The following INSL6 variants were observed in gnomAD, a reference collection of about 807,000 sequenced individuals.
INSL6 encodes the protein insulin-like peptide INSL6.
In INSL6, 16 loss-of-function variants were observed where a neutral mutation model predicts 9.4. That is an observed-to-expected ratio of 1.70 (90% CI 1.15 to 2.59). INSL6 has a LOEUF of 2.59. Ranked by LOEUF, INSL6 falls within the 30% of genes most tolerant of loss-of-function variation. INSL6 has a pLI of 0.00. For synonymous variants in INSL6, 154 were observed against 96.9 expected, an observed-to-expected ratio of 1.59 and a Z score of -3.46; for missense variants, 391 against 257.3, an observed-to-expected ratio of 1.52 and a Z score of -3.56.
chr9:4,997,595 G>A, the INSL6 span, among the ~76,000 whole-genome samples: 2 of 152,116 alleles, frequency 1.3e-5, no homozygotes, highest in Non-Finnish European at 2.9e-5. Flanking sequence ...CTCCAACATT[G>A]GGGATTACAG....
chr9:5,044,399 G>T, the INSL6 span: 1 of 1,586,194 alleles, frequency 6.3e-7, no homozygotes, highest in Non-Finnish European at 8.7e-7. Flanking sequence ...TTATTATCTT[G>T]TAGATTTTAC....
the INSL6 span, among the ~76,000 whole-genome samples, chr9:5,039,314 G>A: frequency 6.6e-6 from 1 of 152,060 alleles, no homozygotes; most frequent in Non-Finnish European, 1.5e-5. Context: ...CACTGAACAT[G>A]TACAGACTTT....
chr9:5,029,393 G>C, the INSL6 span, among the ~76,000 whole-genome samples: 3 of 152,092 alleles, frequency 2.0e-5, no homozygotes, highest in African/African-American at 4.8e-5. Flanking sequence ...CATCATAACT[G>C]ATATAATAAT....
chr9:5,151,768 G>C (rs1480911649), intron 2 of INSL6, among the ~76,000 whole-genome samples: 2 of 152,184 alleles, frequency 1.3e-5, no homozygotes, highest in East Asian at 3.9e-4. Flanking sequence ...AAAAAAGCAA[G>C]ATTGTATATT....
At chr9:4,999,411 G>C in the INSL6 span, among the ~76,000 whole-genome samples, 1 of 152,258 alleles carries the variant, frequency 6.6e-6, no homozygotes, top group South Asian at 2.1e-4. Flanking sequence ...AAAAATTCAA[G>C]TGAATAAAAA....
the INSL6 span, among the ~76,000 whole-genome samples, chr9:5,087,339 T>C: frequency 6.6e-6 from 1 of 152,190 alleles, no homozygotes; most frequent in South Asian, 2.1e-4. Context: ...TCATGAGAAC[T>C]ATCACGAGAA....
At chr9:5,081,597 A>AT in the INSL6 span, 5 of 631,748 alleles carry the variant, frequency 7.9e-6, no homozygotes, top group Non-Finnish European at 8.2e-6. Flanking sequence ...AATTGAAACT[A>AT]TTTGAGTTTC....
chr9:5,127,002 G>A, intron 3 of INSL6: 1 of 309,320 alleles, frequency 3.2e-6, no homozygotes, highest in Middle Eastern at 8.7e-4. Context: ...GAATTCCTTA[G>A]CAAGGATTTT....
At chr9:5,173,159 A>C (rs1026777045) in intron 1 of INSL6, among the ~76,000 whole-genome samples, 3 of 152,204 alleles carry the variant, frequency 2.0e-5, no homozygotes, top group Non-Finnish European at 4.4e-5. Context: ...ACTAATTCCT[A>C]CTGTTGGTGG....
chr9:5,070,922 T>C, the INSL6 span, among the ~76,000 whole-genome samples: 1 of 152,286 alleles, frequency 6.6e-6, no homozygotes, highest in East Asian at 1.9e-4. Flanking sequence ...AAAGTGAGAC[T>C]ATCCCTGAGT....
Position 5,142,993 on chromosome 9 carries a change from A to G in INSL6, c.377-9401T>C, listed in dbSNP as rs562594072. On this transcript the variant is annotated intron_variant, in intron 2 of 3. Transcript: ENST00000649639. Reference sequence around the variant, plus strand: ...ATCTTTAGCTCTGTTTATGTGGTCAATCACATTTACTGATATGCTTGAACC... The same window carrying G: ...ATCTTTAGCTCTGTTTATGTGGTCAGTCACATTTACTGATATGCTTGAACC... Among the ~76,000 whole-genome samples the G allele has an allele frequency of 8.5e-5, 13 of 152,288 alleles. No individual in the cohort carries two copies. In the East Asian group the frequency reaches 1.5e-3, roughly 18 times the overall value.
the INSL6 span, among the ~76,000 whole-genome samples, chr9:5,062,525 AAAAAAAG>A: frequency 7.1e-6 from 1 of 141,032 alleles, no homozygotes; most frequent in African/African-American, 2.6e-5. Context: ...AAAAAAAAAA[AAAAAAAG>A]GTCATATCTG....
the INSL6 span, among the ~76,000 whole-genome samples, chr9:5,031,366 TAAAC>T: frequency 6.6e-6 from 1 of 152,182 alleles, no homozygotes; most frequent in Non-Finnish European, 1.5e-5. Context: ...TTCAGAATCA[TAAAC>T]TAAATAATGA....
intron 3 of INSL6, among the ~76,000 whole-genome samples, chr9:5,133,162 G>C (rs529788349): frequency 3.2e-4 from 48 of 150,598 alleles, no homozygotes; most frequent in African/African-American, 1.1e-3. Context: ...AGTGATATTA[G>C]AGTGTCATGG....
the INSL6 span, among the ~76,000 whole-genome samples, chr9:5,104,653 T>C: frequency 1.3e-5 from 2 of 152,080 alleles, no homozygotes; most frequent in African/African-American, 4.8e-5. Flanking sequence ...GATGTGAAAA[T>C]CCTCAATAAA....
At chr9:5,167,838 C>A (rs79015001) in intron 1 of INSL6, among the ~76,000 whole-genome samples, 16,438 of 152,146 alleles carry the variant, frequency 0.11, 2,740 homozygotes, top group African/African-American at 0.36. Flanking sequence ...CAGGTTAGCA[C>A]CCCTCTGGGA....
chr9:5,107,265 C>CCTA, the INSL6 span, among the ~76,000 whole-genome samples: 1 of 151,890 alleles, frequency 6.6e-6, no homozygotes, highest in African/African-American at 2.4e-5. Flanking sequence ...CCTTACTGGC[C>CCTA]CTACTACTAC....
chr9:5,013,894 T>G, the INSL6 span, among the ~76,000 whole-genome samples: 1 of 152,150 alleles, frequency 6.6e-6, no homozygotes, highest in African/African-American at 2.4e-5. Flanking sequence ...GTGAGGAAGC[T>G]GAGATTCATT....
the INSL6 span, chr9:5,086,258 G>A: frequency 4.0e-6 from 2 of 502,092 alleles, no homozygotes; most frequent in East Asian, 1.4e-4. Flanking sequence ...TGGTGGCTCC[G>A]CCTCTGGCCC....
Sources: allele counts gnomAD v4.1 joint callset (sites outside exome capture counted in the v4.1 genomes callset), GRCh38; gene constraint gnomAD v4.1.1; transcripts MANE v1.5; gene names NCBI Gene and HGNC (gene_info 2026-07-23, HGNC 2026-07-21).